SSH2: variants seen among roughly 807,000 people sequenced by gnomAD.
SSH2 encodes protein phosphatase Slingshot homolog 2.
In SSH2, 37 loss-of-function variants were observed where a neutral mutation model predicts 135.2. That is an observed-to-expected ratio of 0.27 (90% CI 0.21 to 0.36). SSH2 has a LOEUF of 0.36. Among genes scored for constraint, SSH2 ranks in the 10% least tolerant of loss-of-function variants. The probability of loss-of-function intolerance (pLI) is 1.00; values close to 1 mark genes in which losing one functional copy is unlikely to be tolerated. For synonymous variants in SSH2, 628 were observed against 646.2 expected, an observed-to-expected ratio of 0.97 and a Z score of 0.43; for missense variants, 1,408 against 1,765.3, an observed-to-expected ratio of 0.80 and a Z score of 3.63.
chr17:29,916,455 T>G (rs7210288), intron 1 of SSH2, among the ~76,000 whole-genome samples: 60,234 of 147,264 alleles, frequency 0.41, 14,454 homozygotes, highest in East Asian at 0.69. Flanking sequence ...TTGTTAAAGA[T>G]TTTTTTTTTC....
intron 3 of SSH2, among the ~76,000 whole-genome samples, chr17:29,784,613 G>T (rs1203546439): frequency 2.7e-5 from 4 of 146,400 alleles, no homozygotes; most frequent in East Asian, 4.0e-4. Context: ...AAAAAAAAAA[G>T]AATAATTAGG....
rs1031412539 is a variant in SSH2, at chr17:29,709,110, C to T, written c.189-6048G>A. ...TGTATGCTAGGTGCATTTTACATTA[C>T]TTTATTTAACCTTCCTAACAATTCT... On this transcript the variant is annotated intron_variant, in intron 3 of 15. Coordinates refer to ENST00000540801, the MANE Select transcript of SSH2 (RefSeq NM_001282129.2). 4.1e-5 allele frequency among the ~76,000 whole-genome samples: 6 copies of T among 146,962 alleles called. No homozygotes were observed. The South Asian group carries it at 1.3e-3, about 33-fold the overall frequency.
At chr17:29,879,747 CA>C in intron 1 of SSH2, among the ~76,000 whole-genome samples, 1 of 152,276 alleles carries the variant, frequency 6.6e-6, no homozygotes, top group East Asian at 1.9e-4. Context: ...TCTGCTCTAA[CA>C]GCATGTGACA....
chr17:29,880,717 A>T (rs2066121858), intron 1 of SSH2, among the ~76,000 whole-genome samples: 1 of 152,162 alleles, frequency 6.6e-6, no homozygotes, highest in Non-Finnish European at 1.5e-5. Flanking sequence ...TAATTAAGAA[A>T]GTTACTTCCC....
chr17:29,866,253 T>C (rs2065854259), intron 1 of SSH2, among the ~76,000 whole-genome samples: 1 of 151,034 alleles, frequency 6.6e-6, no homozygotes. Context: ...GAATTATGTT[T>C]TCTCACAGAA....
At chr17:29,831,175 G>A (rs1381175135) in intron 2 of SSH2, among the ~76,000 whole-genome samples, 2 of 152,116 alleles carry the variant, frequency 1.3e-5, no homozygotes, top group Non-Finnish European at 2.9e-5. Flanking sequence ...GTCTGCTACT[G>A]TTAAAGAAAT....
chr17:29,720,630 A>G (rs1042242482), intron 3 of SSH2, among the ~76,000 whole-genome samples: 2 of 152,188 alleles, frequency 1.3e-5, no homozygotes, highest in Non-Finnish European at 2.9e-5. Context: ...CATATTACAG[A>G]TCCCTTGGGC....
chr17:29,731,423 TTA>T (rs1567925215), intron 3 of SSH2, among the ~76,000 whole-genome samples: 1 of 19,100 alleles, frequency 5.2e-5, no homozygotes. Flanking sequence ...TATTTTTTAT[TTA>T]TTTATTTATT....
At chr17:29,683,040 T>C (rs1317738293) in intron 6 of SSH2, among the ~76,000 whole-genome samples, 1 of 152,204 alleles carries the variant, frequency 6.6e-6, no homozygotes, top group Non-Finnish European at 1.5e-5. Context: ...GGAAACTTTC[T>C]AGTGACAAAG....
chr17:29,925,414 A>G (rs1490174078), intron 1 of SSH2: 6 of 397,678 alleles, frequency 1.5e-5, no homozygotes, highest in African/African-American at 1.2e-4. Flanking sequence ...ATAATAATAT[A>G]TTGTAGACTT....
At chr17:29,706,488 C>T (rs965733057) in intron 3 of SSH2, among the ~76,000 whole-genome samples, 6 of 152,138 alleles carry the variant, frequency 3.9e-5, no homozygotes, top group Non-Finnish European at 8.8e-5. Context: ...TCTCTTGTTA[C>T]AACCGTGGTG....
intron 1 of SSH2, among the ~76,000 whole-genome samples, chr17:29,927,467 T>C (rs1255409375): frequency 3.3e-5 from 5 of 152,328 alleles, no homozygotes; most frequent in African/African-American, 7.2e-5. Flanking sequence ...CTGCATCCTA[T>C]AGTGTAAAAG....
At chr17:29,761,837 A>G (rs1349196560) in intron 3 of SSH2, among the ~76,000 whole-genome samples, 2 of 121,296 alleles carry the variant, frequency 1.6e-5, no homozygotes, top group African/African-American at 6.8e-5. Context: ...TTACACTCAC[A>G]TACATATGTG....
chr17:29,909,853 A>G (rs962816049), intron 1 of SSH2, among the ~76,000 whole-genome samples: 1 of 152,238 alleles, frequency 6.6e-6, no homozygotes, highest in Non-Finnish European at 1.5e-5. Context: ...ATAAGGTACA[A>G]GTACGACTTT....
chr17:29,696,622 TACAC>T (rs36052713), intron 4 of SSH2, among the ~76,000 whole-genome samples: 128 of 51,454 alleles, frequency 2.5e-3, no homozygotes, highest in African/African-American at 4.2e-3. Flanking sequence ...CATATATATA[TACAC>T]ACACACACAC....
rs2150956087 is a variant in SSH2, at chr17:29,630,127, T to C, written c.*714A>G. On this transcript the variant is annotated 3_prime_UTR_variant, in exon 16 of 16. Transcript: ENST00000540801. ...CCCCCAACTTTATGTCTTCCTCCTCTTATCATGCTTTCCTCTACAGAAGAC... is the reference window on the plus strand; with the variant it reads ...CCCCCAACTTTATGTCTTCCTCCTCCTATCATGCTTTCCTCTACAGAAGAC... 1 of 152,368 alleles carries C rather than the reference T, an allele frequency of 6.6e-6. No individual in the cohort carries two copies. The highest frequency in any genetic ancestry group is 2.1e-4 in the South Asian group (1 of 4,832). The allele number at this position is 152,368 out of a possible 1,614,324, so 9.4% of individuals were successfully genotyped here. A position where few individuals can be genotyped will look rare whatever the true frequency, so the allele number is the denominator to read the frequency against.
At chr17:29,709,015 T>TATATATATATATATATATAGAGAGAG (rs780981175) in intron 3 of SSH2, among the ~76,000 whole-genome samples, 2 of 81,588 alleles carry the variant, frequency 2.5e-5, no homozygotes, top group African/African-American at 4.1e-5. Flanking sequence ...TATATATATA[T>TATATATATATATATATATAGAGAGAG]AGAGAGAGAG....
intron 2 of SSH2, among the ~76,000 whole-genome samples, chr17:29,803,467 G>T (rs768979760): frequency 1.4e-4 from 21 of 152,140 alleles, no homozygotes; most frequent in Non-Finnish European, 2.9e-4. Flanking sequence ...TATCCTCAGG[G>T]TTGGTCTTCT....
chr17:29,836,293 A>T (rs1181939091), intron 2 of SSH2, among the ~76,000 whole-genome samples: 1 of 152,166 alleles, frequency 6.6e-6, no homozygotes, highest in Non-Finnish European at 1.5e-5. Flanking sequence ...CTAAATGATA[A>T]ATCTTATCAT....
Sources: gnomAD v4.1 joint callset for allele counts (sites outside exome capture counted in the v4.1 genomes callset) on GRCh38, gnomAD v4.1.1 for gene constraint, MANE v1.5 for transcripts, NCBI Gene and HGNC (gene_info 2026-07-23, HGNC 2026-07-21) for gene names.